The following ABTB3 variants were observed in gnomAD, a reference collection of about 807,000 sequenced individuals.
ABTB3 encodes the protein ankyrin repeat- and BTB/POZ domain-containing protein 3.
chr12:107,621,358 C>A, the ABTB3 span, among the ~76,000 whole-genome samples: 7 of 152,274 alleles, frequency 4.6e-5, no homozygotes, highest in African/African-American at 1.7e-4. Context: ...AAACTCCCCA[C>A]CTGACTTAAA....
At chr12:107,645,756 G>T in the ABTB3 span, among the ~76,000 whole-genome samples, 2 of 152,230 alleles carry the variant, frequency 1.3e-5, no homozygotes, top group African/African-American at 4.8e-5. Context: ...CACTGAACGA[G>T]ACCTCCATGG....
the ABTB3 span, among the ~76,000 whole-genome samples, chr12:107,519,490 A>G: frequency 1.3e-5 from 2 of 151,628 alleles, no homozygotes; most frequent in African/African-American, 4.8e-5. Context: ...GCTAATTTTT[A>G]TATTTTTAGT....
chr12:107,500,960 G>A, the ABTB3 span, among the ~76,000 whole-genome samples: 6 of 152,094 alleles, frequency 3.9e-5, no homozygotes, highest in Non-Finnish European at 5.9e-5. Context: ...TCTCTGCAGC[G>A]CAAATTCTGA....
At chr12:107,629,141 G>A in the ABTB3 span, among the ~76,000 whole-genome samples, 3 of 152,188 alleles carry the variant, frequency 2.0e-5, no homozygotes, top group Admixed American at 6.5e-5. Flanking sequence ...GCAGGGCCAG[G>A]CGTGGTGGCT....
At chr12:107,400,200 C>A in the ABTB3 span, among the ~76,000 whole-genome samples, 1 of 152,070 alleles carries the variant, frequency 6.6e-6, no homozygotes, top group Non-Finnish European at 1.5e-5. Flanking sequence ...TGGGTATATA[C>A]CAAGTAATGG....
At chr12:107,355,112 A>T in the ABTB3 span, among the ~76,000 whole-genome samples, 10 of 152,056 alleles carry the variant, frequency 6.6e-5, no homozygotes, top group African/African-American at 2.4e-4. Flanking sequence ...AAGTTCTCTC[A>T]CCTGAGCGGG....
the ABTB3 span, among the ~76,000 whole-genome samples, chr12:107,469,739 G>A: frequency 1.6e-3 from 242 of 152,296 alleles, no homozygotes; most frequent in African/African-American, 5.7e-3. Flanking sequence ...GGTAATAATA[G>A]CTTGAATCAT....
chr12:107,584,019 G>T, the ABTB3 span, among the ~76,000 whole-genome samples: 1 of 152,166 alleles, frequency 6.6e-6, no homozygotes, highest in African/African-American at 2.4e-5. Flanking sequence ...AGTAAGTGAA[G>T]GATTTACAAG....
the ABTB3 span, among the ~76,000 whole-genome samples, chr12:107,377,310 A>C: frequency 6.6e-6 from 1 of 152,102 alleles, no homozygotes; most frequent in Admixed American, 6.5e-5. Flanking sequence ...AGACTGCATC[A>C]CAGTCTAACT....
chr12:107,497,850 C>G, the ABTB3 span, among the ~76,000 whole-genome samples: 1 of 152,198 alleles, frequency 6.6e-6, no homozygotes, highest in Non-Finnish European at 1.5e-5. Flanking sequence ...CACCTCAACT[C>G]TCTGACCTCA....
At chr12:107,411,153 A>T in the ABTB3 span, among the ~76,000 whole-genome samples, 4 of 152,118 alleles carry the variant, frequency 2.6e-5, no homozygotes, top group East Asian at 3.9e-4. Context: ...TACAAAAAAA[A>T]TCTGGGCGTG....
chr12:107,465,733 G>A, the ABTB3 span, among the ~76,000 whole-genome samples: 1 of 152,134 alleles, frequency 6.6e-6, no homozygotes, highest in Admixed American at 6.5e-5. Flanking sequence ...CCTGACCTCA[G>A]GGGCCTGGCT....
chr12:107,415,061 T>C, the ABTB3 span, among the ~76,000 whole-genome samples: 2 of 152,086 alleles, frequency 1.3e-5, no homozygotes, highest in African/African-American at 4.8e-5. Flanking sequence ...CCTCACAGCT[T>C]CCGTCTGAAC....
chr12:107,434,264 C>A, the ABTB3 span, among the ~76,000 whole-genome samples: 1 of 152,280 alleles, frequency 6.6e-6, no homozygotes, highest in East Asian at 1.9e-4. Flanking sequence ...TTGGGAGCTG[C>A]CCCTAGCAGG....
At chr12:107,441,962 GA>G in the ABTB3 span, among the ~76,000 whole-genome samples, 86 of 150,448 alleles carry the variant, frequency 5.7e-4, no homozygotes, top group African/African-American at 1.9e-3. Flanking sequence ...AAGGAAAAAG[GA>G]AAAAAAAAGT....
At chr12:107,529,058 T>C in the ABTB3 span, among the ~76,000 whole-genome samples, 10 of 149,450 alleles carry the variant, frequency 6.7e-5, no homozygotes, top group East Asian at 1.6e-3. Context: ...GAGATGATGA[T>C]GGTGATAGTG....
At chr12:107,492,537 G>A in the ABTB3 span, among the ~76,000 whole-genome samples, 11 of 152,106 alleles carry the variant, frequency 7.2e-5, no homozygotes, top group African/African-American at 2.2e-4. Flanking sequence ...CCAGTGGCAA[G>A]GGCACTTTTC....
At chr12:107,334,124 G>A in the ABTB3 span, among the ~76,000 whole-genome samples, 1 of 152,190 alleles carries the variant, frequency 6.6e-6, no homozygotes, top group East Asian at 1.9e-4. Flanking sequence ...GTTGGGTAGG[G>A]CCCCATAGGT....
At chr12:107,385,043 C>T in the ABTB3 span, among the ~76,000 whole-genome samples, 4 of 152,236 alleles carry the variant, frequency 2.6e-5, no homozygotes, top group Admixed American at 2.0e-4. Context: ...TAGTTCAGCA[C>T]TTCTCCCTGG....
Sources: allele counts gnomAD v4.1 joint callset (sites outside exome capture counted in the v4.1 genomes callset), GRCh38; gene constraint gnomAD v4.1.1; transcripts MANE v1.5; gene names NCBI Gene and HGNC (gene_info 2026-07-23, HGNC 2026-07-21).